The following NALF1 variants were observed in gnomAD, a reference collection of about 807,000 sequenced individuals.
NALF1 encodes the protein NALCN channel auxiliary factor 1.
In NALF1, 3 loss-of-function variants were observed where a neutral mutation model predicts 48.4. The ratio of observed to expected loss-of-function variants is 0.06; its 90% CI spans 0.03 to 0.16. The LOEUF is 0.16. Ranked by LOEUF, NALF1 falls within the 10% of genes least tolerant of loss-of-function variation. NALF1 has a pLI of 1.00. For synonymous variants in NALF1, 262 were observed against 245.7 expected (o/e 1.07, Z -0.62); for missense variants, 526 against 571.5 (o/e 0.92, Z 0.81).
At chr13:107,277,027 C>T (rs1163004426) in intron 1 of NALF1, among the ~76,000 whole-genome samples, 4 of 152,100 alleles carry the variant, frequency 2.6e-5, no homozygotes, top group African/African-American at 9.7e-5. Context: ...ATGTAAGATA[C>T]AGAACATTGT....
intron 1 of NALF1, among the ~76,000 whole-genome samples, chr13:107,367,696 T>C (rs1462510288): frequency 6.6e-6 from 1 of 152,132 alleles, no homozygotes; most frequent in Non-Finnish European, 1.5e-5. Flanking sequence ...ATGCCCCTTG[T>C]GCAAAATAAT....
chr13:107,813,966 T>C (rs1237864619), intron 1 of NALF1, among the ~76,000 whole-genome samples: 5 of 152,148 alleles, frequency 3.3e-5, no homozygotes, highest in Non-Finnish European at 4.4e-5. Context: ...CCAAAATACA[T>C]AGGTTTTTGA....
chr13:107,595,569 T>C (rs929633568), intron 1 of NALF1, among the ~76,000 whole-genome samples: 1 of 152,194 alleles, frequency 6.6e-6, no homozygotes, highest in African/African-American at 2.4e-5. Context: ...GTTGCATAGC[T>C]GATTTCATTT....
chr13:107,813,346 A>G (rs1481846633), intron 1 of NALF1, among the ~76,000 whole-genome samples: 1 of 152,198 alleles, frequency 6.6e-6, no homozygotes, highest in Non-Finnish European at 1.5e-5. Context: ...ACACAAGCTT[A>G]AAACGTAAAG....
chr13:107,489,098 A>G (rs1177469845), intron 1 of NALF1, among the ~76,000 whole-genome samples: 1 of 152,168 alleles, frequency 6.6e-6, no homozygotes, highest in Non-Finnish European at 1.5e-5. Context: ...GAGAACTACA[A>G]ACAACTGCTC....
intron 1 of NALF1, among the ~76,000 whole-genome samples, chr13:107,684,169 C>A (rs906594464): frequency 2.0e-5 from 3 of 152,218 alleles, no homozygotes; most frequent in African/African-American, 7.2e-5. Context: ...TTACCAACCT[C>A]CAGCACCCGC....
intron 1 of NALF1, among the ~76,000 whole-genome samples, chr13:107,419,490 A>G (rs998607709): frequency 1.4e-4 from 21 of 152,180 alleles, no homozygotes; most frequent in African/African-American, 5.1e-4. Flanking sequence ...TGACTCTTGC[A>G]AGAGGCGGTA....
chr13:107,538,149 C>T (rs1048990811), intron 1 of NALF1, among the ~76,000 whole-genome samples: 3 of 152,088 alleles, frequency 2.0e-5, no homozygotes, highest in African/African-American at 7.2e-5. Context: ...GATTGAAGAC[C>T]ACAATTGACT....
Position 107,809,265 on chromosome 13 carries a change from A to C in NALF1, c.915+56417T>G, listed in dbSNP as rs140257393. On this transcript the variant is annotated intron_variant, in intron 1 of 2. Coordinates refer to ENST00000375915, the MANE Select transcript of NALF1 (RefSeq NM_001080396.3). ...TAAATATGTTTTTACCTAGACGTGG[A>C]CAAGGCTGTTTTAACCATCTGTCTT... Among the ~76,000 whole-genome samples, 69 of 152,154 alleles carry C rather than the reference A, an allele frequency of 4.5e-4. No individual in the cohort carries two copies. In the East Asian group the frequency reaches 0.012, roughly 27 times the overall value.
At chr13:107,440,046 C>A (rs1884530721) in intron 1 of NALF1, among the ~76,000 whole-genome samples, 1 of 152,054 alleles carries the variant, frequency 6.6e-6, no homozygotes, top group Admixed American at 6.6e-5. Context: ...TGATTTTGTC[C>A]ATTATAACTG....
chr13:107,759,044 G>C (rs914106864), intron 1 of NALF1, among the ~76,000 whole-genome samples: 1 of 152,078 alleles, frequency 6.6e-6, no homozygotes, highest in African/African-American at 2.4e-5. Flanking sequence ...TGGTGTATAA[G>C]GTGCTTGTAG....
intron 1 of NALF1, among the ~76,000 whole-genome samples, chr13:107,426,685 G>C (rs114626643): frequency 1.8e-4 from 28 of 152,252 alleles, no homozygotes; most frequent in African/African-American, 6.0e-4. Flanking sequence ...TCCTAGTCTA[G>C]AAGTGTTAAT....
chr13:107,265,035 A>G (rs1881011965), intron 1 of NALF1, among the ~76,000 whole-genome samples: 1 of 152,222 alleles, frequency 6.6e-6, no homozygotes, highest in African/African-American at 2.4e-5. Context: ...ACCTTTTGAA[A>G]AATGTAGTCA....
At chr13:107,684,753 A>C (rs1242677131) in intron 1 of NALF1, among the ~76,000 whole-genome samples, 2 of 152,154 alleles carry the variant, frequency 1.3e-5, no homozygotes, top group Non-Finnish European at 2.9e-5. Flanking sequence ...TTTTGGGAAA[A>C]CTCAGTACTT....
intron 1 of NALF1, among the ~76,000 whole-genome samples, chr13:107,710,306 A>G (rs1875528802): frequency 6.6e-6 from 1 of 152,192 alleles, no homozygotes. Flanking sequence ...ATAACAAGAA[A>G]CCAAAACCAG....
intron 1 of NALF1, among the ~76,000 whole-genome samples, chr13:107,487,521 T>C (rs1885348860): frequency 6.6e-6 from 1 of 152,192 alleles, no homozygotes; most frequent in Non-Finnish European, 1.5e-5. Context: ...TGGACATGTG[T>C]ATCCACTGGG....
intron 1 of NALF1, among the ~76,000 whole-genome samples, chr13:107,511,048 G>A (rs1875871881): frequency 6.6e-6 from 1 of 152,154 alleles, no homozygotes; most frequent in Non-Finnish European, 1.5e-5. Context: ...AACCGTCTGA[G>A]TCCTCCTAAT....
intron 1 of NALF1, among the ~76,000 whole-genome samples, chr13:107,790,426 A>C (rs1179583939): frequency 1.3e-5 from 2 of 152,204 alleles, no homozygotes; most frequent in Non-Finnish European, 2.9e-5. Context: ...GAAAGCATTT[A>C]TAGAATAAAC....
At chr13:107,294,770 C>G (rs1881692947) in intron 1 of NALF1, among the ~76,000 whole-genome samples, 1 of 152,152 alleles carries the variant, frequency 6.6e-6, no homozygotes, top group Non-Finnish European at 1.5e-5. Context: ...CCAAGCTTCT[C>G]ATTGTTTCTT....
Sources: gnomAD v4.1 joint callset for allele counts (sites outside exome capture counted in the v4.1 genomes callset) on GRCh38, gnomAD v4.1.1 for gene constraint, MANE v1.5 for transcripts, NCBI Gene and HGNC (gene_info 2026-07-23, HGNC 2026-07-21) for gene names.